Variants in SLC24A2 observed in about 807,000 individuals in gnomAD.
The protein encoded by SLC24A2 is solute carrier family 24 member 2.
SLC24A2 carries 36 observed loss-of-function variants against 62.0 expected under a neutral mutation model. The ratio of observed to expected loss-of-function variants is 0.58; its 90% CI spans 0.44 to 0.77. SLC24A2 has a LOEUF of 0.77. SLC24A2 is among the 30% of genes least tolerant of loss of function. The probability of loss-of-function intolerance (pLI) is 0.00; values close to 1 mark genes in which losing one functional copy is unlikely to be tolerated. For missense variants in SLC24A2, 846 were observed against 817.9 expected (o/e 1.03, Z -0.42); for synonymous variants, 358 against 294.0 (o/e 1.22, Z -2.23).
chr9:19,745,391 T>C (rs758964270), intron 2 of SLC24A2, among the ~76,000 whole-genome samples: 56 of 152,152 alleles, frequency 3.7e-4, no homozygotes, highest in Non-Finnish European at 6.0e-4. Context: ...TATGTACATA[T>C]CTCCATACAT....
chr9:19,850,962 T>TATATATAC, the SLC24A2 span, among the ~76,000 whole-genome samples: 1 of 23,548 alleles, frequency 4.2e-5, no homozygotes, highest in South Asian at 8.3e-4. Flanking sequence ...TATATATATA[T>TATATATAC]ATATGTATAT....
At chr9:19,788,562 G>A (rs1823247784) in intron 1 of SLC24A2, 5 of 985,468 alleles carry the variant, frequency 5.1e-6, no homozygotes, top group Non-Finnish European at 6.0e-6. Flanking sequence ...TGCATTTGGT[G>A]AGGCGCTTGG....
At chr9:20,050,982 G>A in the SLC24A2 span, among the ~76,000 whole-genome samples, 2 of 151,980 alleles carry the variant, frequency 1.3e-5, no homozygotes, top group South Asian at 2.1e-4. Flanking sequence ...GAAAAAATAC[G>A]TAAAAGAGGA....
rs199768014 is a variant in SLC24A2, at chr9:19,516,398, G to C, written c.1741C>G (p.Pro581Ala). 1 of 1,613,728 alleles carries C rather than the reference G, an allele frequency of 6.2e-7. No individual in the cohort carries two copies. The highest frequency in any genetic ancestry group is 2.2e-5 in the East Asian group (1 of 44,854). ...SNIFDITVGL[P>A]LPWLLYTVIH... ...ACGGTGTACAGGAGCCAGGGCAGTGGGAGCCTGTGCAGAAGTGAAGCAGGG... is the reference window on the plus strand; with the variant it reads ...ACGGTGTACAGGAGCCAGGGCAGTGCGAGCCTGTGCAGAAGTGAAGCAGGG... The change falls in exon 11 of 11, where the codon CCA (proline) becomes GCA (alanine). Residue 581 changes from proline (P) to alanine (A), a missense_variant. Transcript: ENST00000341998.
chr9:20,067,038 A>C, the SLC24A2 span, among the ~76,000 whole-genome samples: 1 of 152,218 alleles, frequency 6.6e-6, no homozygotes, highest in Non-Finnish European at 1.5e-5. Flanking sequence ...ACAGTTTTGA[A>C]GTCTCAGGAA....
At chr9:19,809,051 G>T in the SLC24A2 span, among the ~76,000 whole-genome samples, 2 of 152,154 alleles carry the variant, frequency 1.3e-5, no homozygotes, top group African/African-American at 4.8e-5. Flanking sequence ...ATAACCTGTG[G>T]TTACATATTT....
the SLC24A2 span, among the ~76,000 whole-genome samples, chr9:20,014,788 A>C: frequency 3.3e-5 from 5 of 152,112 alleles, no homozygotes; most frequent in Non-Finnish European, 5.9e-5. Flanking sequence ...TTTCAGATAG[A>C]CAGAAGGAAT....
At chr9:20,166,033 TA>T in the SLC24A2 span, among the ~76,000 whole-genome samples, 5 of 151,786 alleles carry the variant, frequency 3.3e-5, no homozygotes, top group South Asian at 2.1e-4. Flanking sequence ...TTTAAACATA[TA>T]AAAAAATTAA....
At chr9:20,085,491 T>C in the SLC24A2 span, among the ~76,000 whole-genome samples, 1 of 152,232 alleles carries the variant, frequency 6.6e-6, no homozygotes, top group African/African-American at 2.4e-5. Context: ...TTGTTCATTA[T>C]TTCTAGGACT....
the SLC24A2 span, among the ~76,000 whole-genome samples, chr9:19,991,047 T>C: frequency 1.3e-5 from 2 of 149,064 alleles, no homozygotes; most frequent in Non-Finnish European, 3.0e-5. Flanking sequence ...CATACATACA[T>C]ACATACATAC....
intron 4 of SLC24A2, among the ~76,000 whole-genome samples, chr9:19,609,284 G>C (rs1837077232): frequency 6.6e-6 from 1 of 152,216 alleles, no homozygotes; most frequent in African/African-American, 2.4e-5. Context: ...GCCCCGCTTG[G>C]TGCCTCACCA....
the SLC24A2 span, among the ~76,000 whole-genome samples, chr9:20,159,294 C>A: frequency 1.3e-5 from 2 of 151,586 alleles, no homozygotes; most frequent in East Asian, 3.9e-4. Context: ...TTCAGACCTG[C>A]CTACACACAC....
intron 2 of SLC24A2, among the ~76,000 whole-genome samples, chr9:19,634,950 A>G (rs1818274408): frequency 6.6e-6 from 1 of 152,208 alleles, no homozygotes; most frequent in African/African-American, 2.4e-5. Flanking sequence ...TTGCTGATGA[A>G]GTAGTAATGG....
At chr9:19,541,850 T>C (rs1343660201) in intron 8 of SLC24A2, among the ~76,000 whole-genome samples, 1 of 151,460 alleles carries the variant, frequency 6.6e-6, no homozygotes, top group Non-Finnish European at 1.5e-5. Context: ...GTGCTAGCAA[T>C]CAGCGAGATT....
the SLC24A2 span, among the ~76,000 whole-genome samples, chr9:20,175,604 A>T: frequency 1.3e-5 from 2 of 151,980 alleles, no homozygotes; most frequent in Non-Finnish European, 2.9e-5. Flanking sequence ...TACACTAAAA[A>T]CCGTCAAAGT....
At chr9:19,700,869 G>A (rs1237598478) in intron 2 of SLC24A2, among the ~76,000 whole-genome samples, 1 of 152,022 alleles carries the variant, frequency 6.6e-6, no homozygotes, top group Admixed American at 6.6e-5. Context: ...ACTTCCTCAT[G>A]GTGTTACTGC....
the SLC24A2 span, among the ~76,000 whole-genome samples, chr9:19,874,688 A>T: frequency 6.6e-6 from 1 of 152,220 alleles, no homozygotes; most frequent in East Asian, 1.9e-4. Context: ...AGTTCCCTCA[A>T]GATTCTTCAG....
chr9:19,920,990 T>A, the SLC24A2 span, among the ~76,000 whole-genome samples: 5 of 150,876 alleles, frequency 3.3e-5, no homozygotes, highest in Non-Finnish European at 7.4e-5. Flanking sequence ...CCTACCCTCA[T>A]AGGGTTGTTG....
At chr9:19,692,794 T>C (rs1230025445) in intron 2 of SLC24A2, among the ~76,000 whole-genome samples, 2 of 152,166 alleles carry the variant, frequency 1.3e-5, no homozygotes, top group African/African-American at 2.4e-5. Context: ...CCTAGCAAAA[T>C]GCTCAGTACA....
Sources: allele counts gnomAD v4.1 joint callset (sites outside exome capture counted in the v4.1 genomes callset), GRCh38; gene constraint gnomAD v4.1.1; transcripts MANE v1.5; gene names NCBI Gene and HGNC (gene_info 2026-07-23, HGNC 2026-07-21).